The following LEPR variants were observed in gnomAD, a reference collection of about 807,000 sequenced individuals.
LEPR encodes the protein leptin receptor, also known as OB receptor.
LEPR carries 56 observed loss-of-function variants against 114.7 expected under a neutral mutation model. That is an observed-to-expected ratio of 0.49 (90% CI 0.39 to 0.61). The LOEUF (loss-of-function observed/expected upper bound fraction) is 0.61, where lower values mean the gene tolerates loss of function less well. Ranked by LOEUF, LEPR falls within the 20% of genes least tolerant of loss-of-function variation. The probability of loss-of-function intolerance (pLI) is 0.00; values close to 1 mark genes in which losing one functional copy is unlikely to be tolerated. For synonymous variants in LEPR, 443 were observed against 461.4 expected (o/e 0.96, Z 0.51); for missense variants, 1,202 against 1,352.9 (o/e 0.89, Z 1.75).
At chr1:65,491,208 A>G (rs963887094) in intron 2 of LEPR, among the ~76,000 whole-genome samples, 1 of 152,118 alleles carries the variant, frequency 6.6e-6, no homozygotes, top group Non-Finnish European at 1.5e-5. Flanking sequence ...GGCCTTAAGA[A>G]TCTGCTTCTG....
chr1:65,423,122 A>G (rs1395059998), intron 1 of LEPR, among the ~76,000 whole-genome samples: 2 of 152,064 alleles, frequency 1.3e-5, no homozygotes, highest in African/African-American at 4.8e-5. Context: ...CGTGTTACAC[A>G]TGTTGAATTT....
intron 5 of LEPR, among the ~76,000 whole-genome samples, chr1:65,580,620 T>C (rs1166441036): frequency 6.6e-6 from 1 of 152,160 alleles, no homozygotes; most frequent in East Asian, 1.9e-4. Flanking sequence ...CTTTATTAGG[T>C]GCCTACTGTG....
At chr1:65,575,435 T>G in intron 5 of LEPR, among the ~76,000 whole-genome samples, 1 of 149,100 alleles carries the variant, frequency 6.7e-6, no homozygotes, top group East Asian at 2.1e-4. Flanking sequence ...ATGCTTTCAC[T>G]TAATTAAGTG....
intron 2 of LEPR, among the ~76,000 whole-genome samples, chr1:65,491,251 A>G (rs565615328): frequency 6.6e-6 from 1 of 152,232 alleles, no homozygotes; most frequent in East Asian, 1.9e-4. Flanking sequence ...AGTGTTTGTC[A>G]TATGCTTAAA....
intron 2 of LEPR, among the ~76,000 whole-genome samples, chr1:65,439,508 T>C (rs1212274114): frequency 6.6e-6 from 1 of 152,120 alleles, no homozygotes; most frequent in African/African-American, 2.4e-5. Flanking sequence ...ATTTTTAAAG[T>C]AAAAAATAAT....
chr1:65,489,445 G>T (rs774574338), intron 2 of LEPR, among the ~76,000 whole-genome samples: 14 of 151,980 alleles, frequency 9.2e-5, no homozygotes, highest in Non-Finnish European at 1.3e-4. Flanking sequence ...CAGATGTTTT[G>T]CCCATTTGTA....
At chr1:65,465,374 A>G (rs1281920405) in intron 2 of LEPR, among the ~76,000 whole-genome samples, 5 of 152,168 alleles carry the variant, frequency 3.3e-5, no homozygotes, top group Non-Finnish European at 7.3e-5. Flanking sequence ...ATTTTATTGC[A>G]CTGTGGTCTG....
At chr1:65,539,943 T>C (rs543528067) in intron 2 of LEPR, among the ~76,000 whole-genome samples, 1 of 152,276 alleles carries the variant, frequency 6.6e-6, no homozygotes, top group South Asian at 2.1e-4. Context: ...TTTTCTAGCT[T>C]GGTTCTCTGG....
At chr1:65,545,825 G>C (rs1651662421) in intron 2 of LEPR, among the ~76,000 whole-genome samples, 1 of 151,786 alleles carries the variant, frequency 6.6e-6, no homozygotes, top group Non-Finnish European at 1.5e-5. Context: ...GATCTCATTT[G>C]TCAATTTTGG....
At chr1:65,525,514 C>T (rs1373029837) in intron 2 of LEPR, 3 of 549,034 alleles carry the variant, frequency 5.5e-6, no homozygotes, top group Non-Finnish European at 7.0e-6. Flanking sequence ...CCTGCGCGAC[C>T]GCCCTAGCCG....
In LEPR at chr1:65,638,658, A is replaced by G. The variant is rs540159012; in HGVS notation, c.*1643A>G. 1 of 152,332 alleles carries G rather than the reference A, an allele frequency of 6.6e-6. No homozygotes were observed. Among genetic ancestry groups the G allele is most frequent in the South Asian group, 2.1e-4 (1 of 4,830 alleles). 9.4% of individuals were successfully genotyped at this position (152,332 alleles called of 1,614,324 possible). On this transcript the variant is annotated 3_prime_UTR_variant, in exon 20 of 20. Coordinates refer to ENST00000349533, the MANE Select transcript of LEPR (RefSeq NM_002303.6). ...ACAAAGATTCCAGACCCCACTTGAT[A>G]GATATTTTTCACACTTTATAATCAA...
intron 10 of LEPR, among the ~76,000 whole-genome samples, chr1:65,603,947 A>T (rs1656634233): frequency 6.6e-6 from 1 of 152,098 alleles, no homozygotes. Flanking sequence ...ATATTAACTT[A>T]TATTAATTTG....
At chr1:65,486,700 C>T (rs1048386122) in intron 2 of LEPR, among the ~76,000 whole-genome samples, 1 of 152,146 alleles carries the variant, frequency 6.6e-6, no homozygotes, top group Non-Finnish European at 1.5e-5. Flanking sequence ...AGTTCCAACA[C>T]TAAGGCTGAA....
At chr1:65,425,197 A>C in intron 1 of LEPR, 106 bp from the exon 2 acceptor site, 1 of 894,488 alleles carries the variant, frequency 1.1e-6, no homozygotes, top group East Asian at 2.5e-5. Context: ...CTCATCCGCC[A>C]AAGAAACTCT....
chr1:65,514,840 C>T (rs896828304), intron 2 of LEPR, among the ~76,000 whole-genome samples: 1 of 152,126 alleles, frequency 6.6e-6, no homozygotes, highest in Non-Finnish European at 1.5e-5. Flanking sequence ...TGAGCAATTT[C>T]TAAATCTAAG....
intron 17 of LEPR, among the ~76,000 whole-genome samples, chr1:65,620,452 A>C (rs969181852): frequency 6.6e-6 from 1 of 152,240 alleles, no homozygotes; most frequent in Non-Finnish European, 1.5e-5. Context: ...AATAGTGAAC[A>C]TAAGTTTCTG....
rs141142278 is a variant in LEPR at position 65,457,091 on chromosome 1, C to T, written c.-21+31713C>T. Among the ~76,000 whole-genome samples the T allele has an allele frequency of 5.0e-3, 765 of 152,164 alleles. 8 individuals carry two copies. The highest frequency in any genetic ancestry group is 0.018 in the African/African-American group (737 of 41,552). ...GCTTCATGGGTAGTGTTTTTAGTAACAAAGTAACCCAATTCTTTCCTCCTA... is the reference window on the plus strand; with the variant it reads ...GCTTCATGGGTAGTGTTTTTAGTAATAAAGTAACCCAATTCTTTCCTCCTA... On this transcript the variant is annotated intron_variant, in intron 2 of 19. Transcript: ENST00000349533.
chr1:65,607,945 A>G (rs1163757136), intron 11 of LEPR, among the ~76,000 whole-genome samples: 1 of 152,174 alleles, frequency 6.6e-6, no homozygotes, highest in Non-Finnish European at 1.5e-5. Context: ...TGTTATGTAC[A>G]TATACGTATC....
At chr1:65,530,932 G>A (rs1219469074) in intron 2 of LEPR, among the ~76,000 whole-genome samples, 3 of 147,094 alleles carry the variant, frequency 2.0e-5, no homozygotes, top group Non-Finnish European at 4.5e-5. Context: ...CCTCCAAACT[G>A]GTCTCCCTGC....
Sources: allele counts gnomAD v4.1 joint callset (sites outside exome capture counted in the v4.1 genomes callset), GRCh38; gene constraint gnomAD v4.1.1; transcripts MANE v1.5; gene names NCBI Gene and HGNC (gene_info 2026-07-23, HGNC 2026-07-21).